SLC22A24: variants seen among roughly 807,000 people sequenced by gnomAD.
SLC22A24 encodes solute carrier family 22 member 24.
A neutral mutation model predicts 49.8 loss-of-function variants in SLC22A24; 53 were observed. The ratio of observed to expected loss-of-function variants is 1.06; its 90% CI spans 0.85 to 1.34. SLC22A24 has a LOEUF of 1.34. Among genes scored for constraint, SLC22A24 ranks in the 40% most tolerant of loss-of-function variants. The probability of loss-of-function intolerance (pLI) is 0.00; values close to 1 mark genes in which losing one functional copy is unlikely to be tolerated. For synonymous variants in SLC22A24, 302 were observed against 256.4 expected (o/e 1.18, Z -1.70); for missense variants, 786 against 675.9 (o/e 1.16, Z -1.81).
chr11:63,092,028 T>TA (rs2087023541), intron 6 of SLC22A24, among the ~76,000 whole-genome samples: 1 of 152,134 alleles, frequency 6.6e-6, no homozygotes. Flanking sequence ...CAAAACTCCT[T>TA]AAGCTGATAA....
At chr11:63,094,930 T>C (rs1430655626) in intron 6 of SLC22A24, among the ~76,000 whole-genome samples, 1 of 152,134 alleles carries the variant, frequency 6.6e-6, no homozygotes, top group African/African-American at 2.4e-5. Flanking sequence ...ATTGTGTAGG[T>C]TGCCTGTTCA....
chr11:63,113,824 A>G (rs1206709799), intron 4 of SLC22A24, among the ~76,000 whole-genome samples: 19 of 149,438 alleles, frequency 1.3e-4, no homozygotes, highest in Admixed American at 3.4e-4. Context: ...ACTACACTCC[A>G]GCCTGGGCAA....
At chr11:63,118,114 C>G (rs2087224568) in intron 4 of SLC22A24, among the ~76,000 whole-genome samples, 1 of 152,142 alleles carries the variant, frequency 6.6e-6, no homozygotes, top group African/African-American at 2.4e-5. Context: ...CAAATAGGGT[C>G]TTAGGGGAGC....
chr11:63,120,186 A>G lies in SLC22A24; in HGVS notation c.507-851T>C, dbSNP rs1334626004. ...ATTGCTTTTGGTGTTTTAGACATGA[A>G]GTCCTTGCCCATGCCTATGTCCTGA... On this transcript the variant is annotated intron_variant, in intron 2 of 9. Coordinates refer to ENST00000612278, the MANE Select transcript of SLC22A24 (RefSeq NM_001136506.2). Among the ~76,000 whole-genome samples, 7 of 150,734 alleles carry G rather than the reference A, an allele frequency of 4.6e-5. No individual in the cohort carries two copies. In the East Asian group the frequency reaches 7.9e-4, roughly 17 times the overall value.
At position 63,081,718 on chromosome 11, in the gene SLC22A24, C is replaced by A. The variant is rs114581259; in HGVS notation, c.1286-52G>T. ...ATCTTGCCTGAAGAAACTTTTCAAC[C>A]CCCAAATAATTGTAAAAAGATTCTA... On this transcript the variant is annotated intron_variant, in intron 7 of 9. Coordinates refer to ENST00000612278, the MANE Select transcript of SLC22A24 (RefSeq NM_001136506.2). 2.6e-3 allele frequency: 3,110 copies of A among 1,211,554 alleles called. 66 individuals carry two copies. The African/African-American group carries it at 0.03, about 12-fold the overall frequency. 75.1% of individuals were successfully genotyped at this position (1,211,554 alleles called of 1,614,324 possible).
At chr11:63,093,259 A>G (rs751769347) in intron 6 of SLC22A24, among the ~76,000 whole-genome samples, 4 of 152,208 alleles carry the variant, frequency 2.6e-5, no homozygotes, top group African/African-American at 4.8e-5. Flanking sequence ...AATTAGTTCA[A>G]CCATTGTAGA....
chr11:63,119,736 T>C (rs1210906307), intron 2 of SLC22A24, among the ~76,000 whole-genome samples: 1 of 152,206 alleles, frequency 6.6e-6, no homozygotes, highest in Non-Finnish European at 1.5e-5. Flanking sequence ...GTCTCTGCAC[T>C]GTCCAGGTAA....
At chr11:63,106,626 T>C in intron 4 of SLC22A24, among the ~76,000 whole-genome samples, 1 of 152,222 alleles carries the variant, frequency 6.6e-6, no homozygotes, top group East Asian at 1.9e-4. Context: ...CCATTCTAAC[T>C]GGTGTTAGAT....
At chr11:63,096,912 G>A (rs180725574) in intron 5 of SLC22A24, among the ~76,000 whole-genome samples, 319 of 152,050 alleles carry the variant, frequency 2.1e-3, no homozygotes, top group African/African-American at 7.2e-3. Context: ...TGAATTTAGC[G>A]TTTCTTTCAT....
chr11:63,113,675 G>C (rs961431699), intron 4 of SLC22A24, among the ~76,000 whole-genome samples: 70 of 152,022 alleles, frequency 4.6e-4, no homozygotes, highest in African/African-American at 1.6e-3. Flanking sequence ...CTAATGCAGT[G>C]AAACCCCATC....
intron 4 of SLC22A24, among the ~76,000 whole-genome samples, chr11:63,114,034 G>C (rs1590740820): frequency 6.6e-6 from 1 of 151,894 alleles, no homozygotes; most frequent in Admixed American, 6.6e-5. Context: ...TCTGACAATT[G>C]TGTGTCTTGG....
At chr11:63,123,528 C>T (rs1199839452) in intron 2 of SLC22A24, among the ~76,000 whole-genome samples, 2 of 152,184 alleles carry the variant, frequency 1.3e-5, no homozygotes, top group Admixed American at 6.5e-5. Context: ...ATACAACTGT[C>T]TACCTGAAAC....
intron 2 of SLC22A24, among the ~76,000 whole-genome samples, chr11:63,124,953 C>T (rs1478617049): frequency 1.2e-4 from 14 of 113,786 alleles, no homozygotes; most frequent in South Asian, 9.6e-4. Context: ...GGGACTGTTG[C>T]GGGGTGGGGG....
intron 6 of SLC22A24, among the ~76,000 whole-genome samples, chr11:63,087,247 A>G (rs950719044): frequency 2.0e-5 from 3 of 152,114 alleles, no homozygotes; most frequent in Admixed American, 6.5e-5. Context: ...AGTTCATCTC[A>G]TTGGGACTGG....
chr11:63,119,476 A>G (rs1391987180), intron 2 of SLC22A24, 141 bp from the exon 3 acceptor site: 3 of 781,948 alleles, frequency 3.8e-6, no homozygotes, highest in African/African-American at 3.5e-5. Context: ...GCATAATTAT[A>G]TTAGTGAGCA....
Position 63,113,203 on chromosome 11 carries a change from C to CGT in SLC22A24, c.830+5708_830+5709insAC, listed in dbSNP as rs1565332329. ...ATATATATATACACATATATATATA[C>CGT]ATATATATACACATATATATATATA... On this transcript the variant is annotated intron_variant, in intron 4 of 9. Transcript: ENST00000612278. Among the ~76,000 whole-genome samples, 3 of 3,738 alleles carry CGT rather than the reference C, an allele frequency of 8.0e-4. 1 individual carries two copies. The highest frequency in any genetic ancestry group is 1.7e-3 in the African/African-American group (3 of 1,774). 2.5% of individuals were successfully genotyped at this position (3,738 alleles called of 152,430 possible).
intron 2 of SLC22A24, among the ~76,000 whole-genome samples, chr11:63,129,377 A>T (rs186802738): frequency 2.0e-4 from 30 of 152,226 alleles, no homozygotes; most frequent in Admixed American, 1.2e-3. Flanking sequence ...TGATTATTGT[A>T]GCCTTGTAGT....
chr11:63,111,177 C>T (rs927795174), intron 4 of SLC22A24, among the ~76,000 whole-genome samples: 1 of 151,926 alleles, frequency 6.6e-6, no homozygotes, highest in Non-Finnish European at 1.5e-5. Flanking sequence ...GTTGAACCAG[C>T]CTTGCATCCC....
intron 5 of SLC22A24, among the ~76,000 whole-genome samples, chr11:63,099,043 A>G (rs996694346): frequency 2.0e-5 from 3 of 152,162 alleles, no homozygotes; most frequent in African/African-American, 7.2e-5. Flanking sequence ...GTCACATGCA[A>G]CTTATCAAGA....
Sources: gnomAD v4.1 joint callset for allele counts (sites outside exome capture counted in the v4.1 genomes callset) on GRCh38, gnomAD v4.1.1 for gene constraint, MANE v1.5 for transcripts, NCBI Gene and HGNC (gene_info 2026-07-23, HGNC 2026-07-21) for gene names.